RBMS3: variants seen among roughly 807,000 people sequenced by gnomAD.
RBMS3 encodes RNA binding motif single stranded interacting protein 3.
RBMS3 carries 27 observed loss-of-function variants against 66.8 expected under a neutral mutation model. The observed-to-expected ratio is 0.40, with a 90% CI of 0.30 to 0.56. The LOEUF (loss-of-function observed/expected upper bound fraction) is 0.56, where lower values mean the gene tolerates loss of function less well. Among genes scored for constraint, RBMS3 ranks in the 20% least tolerant of loss-of-function variants. The pLI is 0.40. For missense variants in RBMS3, 513 were observed against 549.5 expected (o/e 0.93, Z 0.66); for synonymous variants, 188 against 183.0 (o/e 1.03, Z -0.22).
chr3:29,425,862 A>G (rs1432799361), intron 1 of RBMS3, among the ~76,000 whole-genome samples: 4 of 152,166 alleles, frequency 2.6e-5, no homozygotes, highest in Non-Finnish European at 5.9e-5. Context: ...GTTTTCCCTC[A>G]TTGCCTACTT....
intron 12 of RBMS3, among the ~76,000 whole-genome samples, chr3:29,962,062 TATA>T (rs979635093): frequency 6.9e-6 from 1 of 145,680 alleles, no homozygotes; most frequent in Non-Finnish European, 1.5e-5. Context: ...GTATATATAA[TATA>T]TTATTATATA....
intron 10 of RBMS3, among the ~76,000 whole-genome samples, chr3:29,918,244 T>C (rs2060687002): frequency 6.6e-6 from 1 of 152,202 alleles, no homozygotes; most frequent in South Asian, 2.1e-4. Context: ...TATTGGATTC[T>C]TCTGTATATG....
At chr3:29,760,353 T>C (rs1311627423) in intron 5 of RBMS3, among the ~76,000 whole-genome samples, 1 of 151,864 alleles carries the variant, frequency 6.6e-6, no homozygotes, top group Non-Finnish European at 1.5e-5. Context: ...AGACAAAGGA[T>C]TTGATTTGTA....
chr3:29,895,240 T>G (rs2060098925), intron 8 of RBMS3, among the ~76,000 whole-genome samples: 1 of 151,614 alleles, frequency 6.6e-6, no homozygotes, highest in African/African-American at 2.4e-5. Context: ...ATGAATGTTT[T>G]CTTACATAGT....
chr3:29,811,325 A>G (rs987646237), intron 6 of RBMS3, among the ~76,000 whole-genome samples: 2 of 152,134 alleles, frequency 1.3e-5, no homozygotes, highest in African/African-American at 4.8e-5. Context: ...ATCCTGGGGC[A>G]CGCCTGGAAG....
At chr3:29,461,126 T>C in intron 2 of RBMS3, among the ~76,000 whole-genome samples, 1 of 152,208 alleles carries the variant, frequency 6.6e-6, no homozygotes, top group East Asian at 1.9e-4. Context: ...TTGTTAATGA[T>C]TTACCATAAC....
chr3:29,492,177 G>A lies in RBMS3; in HGVS notation c.307+3678G>A, dbSNP rs950479370. ...TCACAACCTTCATCAAGCACATCAT[G>A]GGGGAGGTGCCCTGTAAGTCAGCAA... On this transcript the variant is annotated intron_variant, in intron 3 of 14. Transcript: ENST00000383767. Among the ~76,000 whole-genome samples, 4 of 152,114 alleles carry A rather than the reference G, an allele frequency of 2.6e-5. 1 individual carries two copies. The highest frequency in any genetic ancestry group is 2.6e-4 in the Admixed American group (4 of 15,282).
chr3:29,835,335 T>C (rs1479623715), intron 6 of RBMS3, among the ~76,000 whole-genome samples: 3 of 151,986 alleles, frequency 2.0e-5, no homozygotes, highest in Non-Finnish European at 4.4e-5. Flanking sequence ...GAATGCATAT[T>C]CTTCTCAAGC....
chr3:29,877,756 T>A (rs956011045), intron 7 of RBMS3, among the ~76,000 whole-genome samples: 2 of 152,138 alleles, frequency 1.3e-5, no homozygotes, highest in Non-Finnish European at 2.9e-5. Flanking sequence ...TGTTCCCCGG[T>A]AAAATTCTAC....
At chr3:29,974,111 G>A (rs1211996049) in intron 12 of RBMS3, among the ~76,000 whole-genome samples, 2 of 151,774 alleles carry the variant, frequency 1.3e-5, no homozygotes, top group African/African-American at 4.8e-5. Context: ...CTATGTTGAC[G>A]GTCTTTACCT....
Position 29,754,110 on chromosome 3 carries a change from A to T in RBMS3, c.558-8800A>T, listed in dbSNP as rs58651837. On this transcript the variant is annotated intron_variant, in intron 5 of 14. Coordinates refer to ENST00000383767, the MANE Select transcript of RBMS3 (RefSeq NM_001003793.3). ...GTAGCTGAGATTACAGGCGCCCACC[A>T]CCATGCCTAATTTTTGTATTTTAAA... Among the ~76,000 whole-genome samples, 154 of 151,878 alleles carry T rather than the reference A, an allele frequency of 1.0e-3. 2 individuals are homozygous for T. In the East Asian group the frequency reaches 0.027, roughly 27 times the overall value.
intron 6 of RBMS3, among the ~76,000 whole-genome samples, chr3:29,767,975 A>C (rs2149390302): frequency 6.6e-6 from 1 of 152,062 alleles, no homozygotes; most frequent in South Asian, 2.1e-4. Context: ...TTGGGCAAAA[A>C]ATATGTCTTG....
intron 14 of RBMS3, among the ~76,000 whole-genome samples, chr3:30,003,650 C>A (rs1699711538): frequency 6.6e-6 from 1 of 151,886 alleles, no homozygotes; most frequent in Admixed American, 6.6e-5. Context: ...TTAATGTAAA[C>A]AAACTCTCTG....
chr3:29,622,624 T>C (rs2048906402), intron 4 of RBMS3, among the ~76,000 whole-genome samples: 1 of 152,212 alleles, frequency 6.6e-6, no homozygotes, highest in Admixed American at 6.5e-5. Context: ...AAACATTGTC[T>C]AGGAGAGGAC....
In RBMS3 at chr3:29,590,585, T is replaced by C. The variant is rs958897643; in HGVS notation, c.399+3380T>C. ...GATTGAATAAAAAATTCTTTTTTTT[T>C]CTGAATGTTTAACACTTATTCTATC... On this transcript the variant is annotated intron_variant, in intron 4 of 14. Coordinates refer to ENST00000383767, the MANE Select transcript of RBMS3 (RefSeq NM_001003793.3). Among the ~76,000 whole-genome samples, 5 of 152,032 alleles carry C rather than the reference T, an allele frequency of 3.3e-5. No homozygotes were observed. The East Asian group carries it at 5.8e-4, about 18-fold the overall frequency.
intron 1 of RBMS3, among the ~76,000 whole-genome samples, chr3:29,401,800 A>G (rs923772000): frequency 6.6e-6 from 1 of 152,074 alleles, no homozygotes; most frequent in Non-Finnish European, 1.5e-5. Flanking sequence ...GAAAAACTTT[A>G]GTGCTTAGGT....
chr3:29,393,774 A>G (rs1343191403), intron 1 of RBMS3, among the ~76,000 whole-genome samples: 3 of 149,144 alleles, frequency 2.0e-5, no homozygotes, highest in Admixed American at 2.0e-4. Context: ...ATGTATTGGC[A>G]GGTTCCGTGA....
chr3:29,801,005 GCACA>G (rs3070792), intron 6 of RBMS3, among the ~76,000 whole-genome samples: 2,889 of 148,908 alleles, frequency 0.019, 94 homozygotes, highest in African/African-American at 0.067. Context: ...ACACACGCAT[GCACA>G]CACACACACA....
intron 1 of RBMS3, among the ~76,000 whole-genome samples, chr3:29,384,351 AT>A (rs2038905865): frequency 6.6e-6 from 1 of 151,812 alleles, no homozygotes; most frequent in African/African-American, 2.4e-5. Context: ...TAAAACAATT[AT>A]AGTGGAAGAG....
Sources: allele counts gnomAD v4.1 joint callset (sites outside exome capture counted in the v4.1 genomes callset), GRCh38; gene constraint gnomAD v4.1.1; transcripts MANE v1.5; gene names NCBI Gene and HGNC (gene_info 2026-07-23, HGNC 2026-07-21).